NF1: variants seen among roughly 807,000 people sequenced by gnomAD.
NF1 encodes the protein neurofibromin.
In NF1, 122 loss-of-function variants were observed where a neutral mutation model predicts 325.7. The ratio of observed to expected loss-of-function variants is 0.37; its 90% confidence interval spans 0.32 to 0.44. NF1 has a LOEUF of 0.44. Among genes scored for constraint, NF1 ranks in the 20% least tolerant of loss-of-function variants. The pLI, the probability that NF1 is intolerant of heterozygous loss-of-function variation, is 1.00. For missense variants in NF1, 2,140 were observed against 3,415.4 expected, an observed-to-expected ratio of 0.63 and a Z score of 9.31; for synonymous variants, 1,091 against 1,186.0, an observed-to-expected ratio of 0.92 and a Z score of 1.65.
At chr17:31,354,830 C>A (rs1267949660) in intron 51 of NF1, among the ~76,000 whole-genome samples, 2 of 151,832 alleles carry the variant, frequency 1.3e-5, no homozygotes, top group African/African-American at 2.4e-5. Context: ...TCAAAAAAAA[C>A]AAAAATCAGG....
chr17:31,119,127 G>C (rs1253971712), intron 1 of NF1, among the ~76,000 whole-genome samples: 1 of 152,058 alleles, frequency 6.6e-6, no homozygotes, highest in African/African-American at 2.4e-5. Flanking sequence ...ATCTTTAGTA[G>C]AGACAGCGTT....
intron 3 of NF1, among the ~76,000 whole-genome samples, chr17:31,162,775 C>T (rs2065784725): frequency 6.6e-6 from 1 of 152,130 alleles, no homozygotes; most frequent in Non-Finnish European, 1.5e-5. Context: ...AGTGTGATGG[C>T]TCACCCAGGA....
At position 31,364,286 on chromosome 17, in the gene NF1, G is replaced by A. The variant is rs761946531; in HGVS notation, c.8377+3583G>A. Among the ~76,000 whole-genome samples, 43 of 152,118 alleles carry A rather than the reference G, an allele frequency of 2.8e-4. 1 individual carries two copies. The highest frequency in any genetic ancestry group is 5.2e-4 in the Admixed American group (8 of 15,280). On this transcript the variant is annotated intron_variant, in intron 57 of 57. Coordinates refer to ENST00000358273, the MANE Select transcript of NF1 (RefSeq NM_001042492.3). ...ATTACCCAACATCAACCTATACTTA[G>A]TCAACTGAGATTTAAACAGATAAAG...
intron 36 of NF1, among the ~76,000 whole-genome samples, chr17:31,267,043 T>G (rs1453857863): frequency 6.6e-6 from 1 of 152,138 alleles, no homozygotes; most frequent in Non-Finnish European, 1.5e-5. Context: ...GTGATTCTCC[T>G]GTCTTAGCCT....
chr17:31,185,068 G>T (rs918485734), intron 8 of NF1, among the ~76,000 whole-genome samples: 1 of 152,158 alleles, frequency 6.6e-6, no homozygotes, highest in Non-Finnish European at 1.5e-5. Context: ...GAGCCATGCT[G>T]CCATCAGCCT....
chr17:31,130,704 G>A (rs2143459789), intron 1 of NF1, among the ~76,000 whole-genome samples: 1 of 152,310 alleles, frequency 6.6e-6, no homozygotes, highest in African/African-American at 2.4e-5. Flanking sequence ...GGCCATGGAG[G>A]GATAGGCAGG....
chr17:31,098,914 A>G (rs1257329839), intron 1 of NF1, among the ~76,000 whole-genome samples: 1 of 143,688 alleles, frequency 7.0e-6, no homozygotes, highest in East Asian at 2.1e-4. Context: ...CCTGGGTGAC[A>G]GAGCGAGACT....
At chr17:31,203,919 C>G (rs1258096336) in intron 11 of NF1, among the ~76,000 whole-genome samples, 1 of 152,026 alleles carries the variant, frequency 6.6e-6, no homozygotes, top group Non-Finnish European at 1.5e-5. Context: ...GAGTTTAGAT[C>G]TAAAATATTC....
chr17:31,360,813 T>G, intron 57 of NF1, 110 bp downstream of exon 57: 1 of 908,256 alleles, frequency 1.1e-6, no homozygotes, highest in South Asian at 1.3e-5. Flanking sequence ...TCTTATGAGA[T>G]TCACCTTACA....
intron 27 of NF1, 139 bp from the exon 28 acceptor site, chr17:31,235,471 TA>T: frequency 1.2e-6 from 1 of 823,474 alleles, no homozygotes; most frequent in Non-Finnish European, 2.1e-6. Context: ...AATCTCAGGA[TA>T]AATATTAATC....
intron 8 of NF1, among the ~76,000 whole-genome samples, chr17:31,198,424 A>G (rs2066470443): frequency 6.6e-6 from 1 of 152,092 alleles, no homozygotes; most frequent in Admixed American, 6.5e-5. Flanking sequence ...TTACTGATTA[A>G]TCCCTTTACT....
intron 1 of NF1, among the ~76,000 whole-genome samples, chr17:31,104,806 T>G (rs1313007787): frequency 6.6e-6 from 1 of 152,254 alleles, no homozygotes; most frequent in African/African-American, 2.4e-5. Context: ...GTACCCTCGC[T>G]AAATTCTCTT....
chr17:31,173,068 G>A (rs948918554), intron 5 of NF1, among the ~76,000 whole-genome samples: 2 of 151,846 alleles, frequency 1.3e-5, no homozygotes, highest in Non-Finnish European at 1.5e-5. Flanking sequence ...GATCACTGAG[G>A]TTAGGAGTTC....
chr17:31,221,829 T>A, intron 14 of NF1, 21 bp from the exon 15 acceptor site: 1 of 1,560,836 alleles, frequency 6.4e-7, no homozygotes, highest in Non-Finnish European at 8.8e-7. Flanking sequence ...TCTTTGTCTT[T>A]CTCTTTTTTA....
intron 37 of NF1, among the ~76,000 whole-genome samples, chr17:31,327,271 AT>A (rs2069369268): frequency 6.6e-6 from 1 of 152,072 alleles, no homozygotes; most frequent in South Asian, 2.1e-4. Context: ...CTTCTATAAG[AT>A]TCTTGACCTT....
intron 36 of NF1, among the ~76,000 whole-genome samples, chr17:31,293,840 G>A (rs1387192549): frequency 6.6e-6 from 1 of 152,090 alleles, no homozygotes; most frequent in East Asian, 1.9e-4. Flanking sequence ...GCTGCCTTGT[G>A]GCTGTTTCTT....
chr17:31,304,849 A>T, intron 36 of NF1: 1 of 1,614,102 alleles, frequency 6.2e-7, no homozygotes, highest in Non-Finnish European at 8.5e-7. Context: ...GATGTTATCC[A>T]TACAAATGTC....
At position 31,260,509 on chromosome 17, in the gene NF1, G is replaced by A. The variant is rs2151464857; in HGVS notation, c.4571G>A (p.Ser1524Asn). Residue 1524 changes from serine to asparagine, a missense_variant, in exon 34 of 58, where the codon AGC (serine) becomes AAC (asparagine). By Grantham distance (46) the Ser-to-Asn change is conservative (BLOSUM62 1). This residue lies in a region of NF1 where 103 missense variants were observed against 214.6 expected (regional missense o/e 0.48). Transcript: ENST00000358273. ...GAGAAAATTGGGCAGTATCTTTCCA[G>A]CAACAGGTAAGATTTCCCAGTCATG... Reference protein sequence around the residue: ...NQEKIGQYLSSNRDHKAVGRR... With the variant: ...NQEKIGQYLSNNRDHKAVGRR... 2.5e-6 allele frequency: 4 copies of A among 1,613,838 alleles called. No individual in the cohort carries two copies. The highest frequency in any genetic ancestry group is 3.4e-6 in the Non-Finnish European group (4 of 1,179,952).
intron 33 of NF1, 140 bp from the exon 34 acceptor site, chr17:31,260,229 T>C: frequency 2.3e-6 from 2 of 886,112 alleles, no homozygotes; most frequent in Non-Finnish European, 1.8e-6. Context: ...CTTTGTCTAA[T>C]GTCAAGTCAC....
Sources: gnomAD v4.1 joint callset for allele counts (sites outside exome capture counted in the v4.1 genomes callset) on GRCh38, gnomAD v4.1.1 for gene constraint, gnomAD v4.1.1 regional missense constraint, MANE v1.5 for transcripts, NCBI Gene and HGNC (gene_info 2026-07-23, HGNC 2026-07-21) for gene names.